The following TENM2 variants were observed in gnomAD, a reference collection of about 807,000 sequenced individuals.
TENM2 encodes teneurin transmembrane protein 2.
TENM2 carries 52 observed loss-of-function variants against 245.2 expected under a neutral mutation model. The ratio of observed to expected loss-of-function variants is 0.21; its 90% CI spans 0.17 to 0.27. TENM2 has a LOEUF of 0.27. TENM2 is among the 10% of genes least tolerant of loss of function. The probability of loss-of-function intolerance (pLI) is 1.00; values close to 1 mark genes in which losing one functional copy is unlikely to be tolerated. For synonymous variants in TENM2, 1,363 were observed against 1,438.9 expected, an observed-to-expected ratio of 0.95 and a Z score of 1.19; for missense variants, 3,046 against 3,666.8, an observed-to-expected ratio of 0.83 and a Z score of 4.37.
At chr5:167,387,738 GT>G (rs1192684402) in intron 2 of TENM2, among the ~76,000 whole-genome samples, 3 of 151,828 alleles carry the variant, frequency 2.0e-5, no homozygotes, top group Non-Finnish European at 4.4e-5. Context: ...GCGATGCTGG[GT>G]TTTTTCGAAT....
chr5:167,630,557 C>T (rs566451969), intron 2 of TENM2, among the ~76,000 whole-genome samples: 10 of 152,146 alleles, frequency 6.6e-5, no homozygotes, highest in Middle Eastern at 3.4e-3. Flanking sequence ...GTGAAATTGC[C>T]GCAAATAAGG....
chr5:167,938,004 T>A, intron 3 of TENM2: 1 of 152,298 alleles, frequency 6.6e-6, no homozygotes, highest in East Asian at 1.9e-4. Context: ...AGGGCAGGAA[T>A]TCTGACTCTG....
chr5:167,382,464 A>G (rs577717960), intron 2 of TENM2, among the ~76,000 whole-genome samples: 94 of 152,286 alleles, frequency 6.2e-4, no homozygotes, highest in African/African-American at 2.2e-3. Flanking sequence ...ACAAACCAGG[A>G]ATGTTCTTCA....
intron 2 of TENM2, among the ~76,000 whole-genome samples, chr5:167,792,733 A>G (rs1297222873): frequency 1.5e-5 from 2 of 137,300 alleles, no homozygotes; most frequent in Non-Finnish European, 3.2e-5. Context: ...TGAAAAATGG[A>G]AAAAAAAAAA....
intron 3 of TENM2, chr5:167,934,900 C>T (rs1778578239): frequency 2.0e-6 from 2 of 985,408 alleles, no homozygotes; most frequent in East Asian, 2.3e-4. Context: ...GTGCAGGCTG[C>T]ACTGCCCTTG....
At chr5:167,159,197 C>T in the TENM2 span, among the ~76,000 whole-genome samples, 1 of 152,000 alleles carries the variant, frequency 6.6e-6, no homozygotes, top group Non-Finnish European at 1.5e-5. Flanking sequence ...CCCACCGAGG[C>T]CTCCCAAAGT....
chr5:167,862,263 G>C (rs949184099), intron 2 of TENM2, among the ~76,000 whole-genome samples: 1 of 152,086 alleles, frequency 6.6e-6, no homozygotes, highest in African/African-American at 2.4e-5. Flanking sequence ...GTGTGTGTGT[G>C]TGTGTGCATA....
intron 2 of TENM2, among the ~76,000 whole-genome samples, chr5:167,637,388 T>A (rs1020946456): frequency 1.3e-5 from 2 of 152,156 alleles, no homozygotes; most frequent in Non-Finnish European, 2.9e-5. Context: ...ATGAAATGGG[T>A]ATAGGCATGG....
At chr5:167,518,349 T>TTCCTTTGC (rs1770534635) in intron 2 of TENM2, among the ~76,000 whole-genome samples, 1 of 152,104 alleles carries the variant, frequency 6.6e-6, no homozygotes, top group Non-Finnish European at 1.5e-5. Context: ...TCTCATTTCC[T>TTCCTTTGC]TCCTTTGCAT....
chr5:167,997,673 A>G (rs1391428658), intron 5 of TENM2, among the ~76,000 whole-genome samples: 2 of 152,144 alleles, frequency 1.3e-5, no homozygotes, highest in Non-Finnish European at 2.9e-5. Flanking sequence ...TTTTAGTTTA[A>G]TGTAATTTTT....
intron 2 of TENM2, among the ~76,000 whole-genome samples, chr5:167,661,963 T>C (rs764772515): frequency 1.2e-4 from 19 of 152,222 alleles, no homozygotes; most frequent in Non-Finnish European, 2.5e-4. Context: ...GTCTTATGCT[T>C]ATGCTGCAAC....
the TENM2 span, among the ~76,000 whole-genome samples, chr5:167,236,103 C>G: frequency 1.3e-5 from 2 of 152,128 alleles, no homozygotes; most frequent in African/African-American, 4.8e-5. Context: ...CTCTCATCAA[C>G]AAAGGAAGTA....
chr5:167,143,774 A>G, the TENM2 span, among the ~76,000 whole-genome samples: 1 of 152,230 alleles, frequency 6.6e-6, no homozygotes, highest in African/African-American at 2.4e-5. Context: ...AAGCCGTGCA[A>G]GGATGGATGA....
chr5:167,788,342 G>A (rs1307484345), intron 2 of TENM2, among the ~76,000 whole-genome samples: 10 of 152,218 alleles, frequency 6.6e-5, no homozygotes, highest in South Asian at 4.1e-4. Context: ...TGATTTACTC[G>A]CAAGGATTAT....
At chr5:167,741,484 C>A (rs1022656168) in intron 2 of TENM2, among the ~76,000 whole-genome samples, 1 of 152,148 alleles carries the variant, frequency 6.6e-6, no homozygotes, top group African/African-American at 2.4e-5. Flanking sequence ...TGGGTCATCT[C>A]TGAAAAGGGG....
intron 2 of TENM2, among the ~76,000 whole-genome samples, chr5:167,552,546 A>G (rs1773018902): frequency 6.6e-6 from 1 of 152,146 alleles, no homozygotes; most frequent in African/African-American, 2.4e-5. Context: ...GCCCACAAAA[A>G]AGGGATTATG....
intron 1 of TENM2, among the ~76,000 whole-genome samples, chr5:167,302,889 G>T (rs1205876691): frequency 6.6e-6 from 1 of 152,160 alleles, no homozygotes; most frequent in African/African-American, 2.4e-5. Flanking sequence ...AATAATCAGA[G>T]AGGTGTCCCT....
chr5:167,397,137 G>C (rs1581932171), intron 2 of TENM2, among the ~76,000 whole-genome samples: 2 of 152,106 alleles, frequency 1.3e-5, no homozygotes, highest in East Asian at 3.9e-4. Context: ...TTGAATATAG[G>C]GACAACATCT....
intron 5 of TENM2, among the ~76,000 whole-genome samples, chr5:167,995,947 A>T (rs1784019376): frequency 6.6e-6 from 1 of 152,126 alleles, no homozygotes; most frequent in Non-Finnish European, 1.5e-5. Flanking sequence ...GGCGCTTTTA[A>T]GGGCTGAGTC....
Sources: gnomAD v4.1 joint callset for allele counts (sites outside exome capture counted in the v4.1 genomes callset) on GRCh38, gnomAD v4.1.1 for gene constraint, MANE v1.5 for transcripts, NCBI Gene and HGNC (gene_info 2026-07-23, HGNC 2026-07-21) for gene names.